FARP1: variants seen among roughly 807,000 people sequenced by gnomAD.
The protein encoded by FARP1 is FERM, ARHGEF and pleckstrin domain-containing protein 1.
Under a neutral mutation model 128.8 loss-of-function variants are expected in FARP1, and 52 were observed. The ratio of observed to expected loss-of-function variants is 0.40; its 90% CI spans 0.32 to 0.51. FARP1 has a LOEUF of 0.51. Among genes scored for constraint, FARP1 ranks in the 20% least tolerant of loss-of-function variants. FARP1 has a pLI of 0.45. For missense variants in FARP1, 1,333 were observed against 1,367.9 expected, an observed-to-expected ratio of 0.97 and a Z score of 0.40; for synonymous variants, 580 against 551.8, an observed-to-expected ratio of 1.05 and a Z score of -0.72.
intron 17 of FARP1, among the ~76,000 whole-genome samples, chr13:98,429,293 C>T (rs546889047): frequency 2.4e-4 from 37 of 152,124 alleles, no homozygotes; most frequent in Non-Finnish European, 4.3e-4. Context: ...TCTCTGGGTG[C>T]GAGAGTGTGC....
intron 2 of FARP1, among the ~76,000 whole-genome samples, chr13:98,215,844 G>A (rs1020829120): frequency 1.3e-5 from 2 of 150,914 alleles, no homozygotes; most frequent in African/African-American, 4.9e-5. Context: ...AGGCTGAAGT[G>A]CAGTGGTGCG....
rs757138817 is a variant in FARP1, at chr13:98,385,713, C to T, written c.658C>T (p.Arg220Cys). Residue 220 changes from arginine to cysteine, a missense_variant, in exon 8 of 27, where the codon CGT (arginine) becomes TGT (cysteine). This residue lies in a region of FARP1 where 324 missense variants were observed against 398.1 expected (regional missense o/e 0.81). Transcript: ENST00000319562. ...AGATTTCCAGCTCCTAGAGATTGCC[C>T]GTCGGCTAGAGATGTATGGAATCCG... is the stretch of plus-strand genomic sequence containing the variant. Reference protein sequence around the residue: ...ESDFQLLEIARRLEMYGIRLH... With the variant: ...ESDFQLLEIACRLEMYGIRLH... 50 of 1,614,058 alleles carry T rather than the reference C, an allele frequency of 3.1e-5. No individual in the cohort carries two copies. Among genetic ancestry groups the T allele is most frequent in the South Asian group, 2.9e-4 (26 of 91,086 alleles).
Position 98,193,432 on chromosome 13 carries a change from C to T in FARP1, c.-23-19788C>T, listed in dbSNP as rs150633665. Among the ~76,000 whole-genome samples the T allele has an allele frequency of 9.2e-5, 14 of 152,232 alleles. 1 individual carries two copies. Among genetic ancestry groups the T allele is most frequent in the African/African-American group, 3.1e-4 (13 of 41,558 alleles). Reference sequence around the variant, plus strand: ...TTATTTAGAGCAACCTGTCAGAGTGCGTGGGATCGTAGTCTACGAAGTGAT... The same window carrying T: ...TTATTTAGAGCAACCTGTCAGAGTGTGTGGGATCGTAGTCTACGAAGTGAT... On this transcript the variant is annotated intron_variant, in intron 1 of 26. Coordinates refer to ENST00000319562, the MANE Select transcript of FARP1 (RefSeq NM_005766.4).
intron 16 of FARP1, among the ~76,000 whole-genome samples, chr13:98,419,742 T>C (rs1303270118): frequency 6.6e-6 from 1 of 152,154 alleles, no homozygotes; most frequent in Non-Finnish European, 1.5e-5. Flanking sequence ...AAGTGAAGAC[T>C]AAGAGGCTTC....
At chr13:98,338,106 T>C (rs1887817568) in intron 2 of FARP1, among the ~76,000 whole-genome samples, 1 of 152,210 alleles carries the variant, frequency 6.6e-6, no homozygotes, top group Admixed American at 6.5e-5. Context: ...TTTTCTCCCG[T>C]CTGCATTTTT....
rs950572596 is a variant in FARP1, at chr13:98,454,876, T to C, written c.*6559T>C. On this transcript the variant is annotated 3_prime_UTR_variant, in exon 27 of 27. Coordinates refer to ENST00000319562, the MANE Select transcript of FARP1 (RefSeq NM_005766.4). ...GAGGACAGAGGAGGAAAGAGGGCAC[T>C]CCTCATCACAGACAAAGGAAAGAGA... 2.0e-5 allele frequency: 3 copies of C among 152,232 alleles called. No homozygotes were observed. The highest frequency in any genetic ancestry group is 7.2e-5 in the African/African-American group (3 of 41,418). The allele number at this position is 152,232 out of a possible 1,614,324, so 9.4% of individuals were successfully genotyped here.
At chr13:98,157,214 C>T (rs1261884601) in intron 1 of FARP1, among the ~76,000 whole-genome samples, 1 of 152,174 alleles carries the variant, frequency 6.6e-6, no homozygotes, top group Non-Finnish European at 1.5e-5. Flanking sequence ...TGTGTGAGAT[C>T]ATGTTACTGT....
rs759621971 is a variant in FARP1 at position 98,176,536 on chromosome 13, C to T, written c.-24+33044C>T. Reference sequence around the variant, plus strand: ...GTTTTCGTCCTCGCAGATACAGTAGCGACCCTCTTCAAGCTCCCGTTCAAT... The same window carrying T: ...GTTTTCGTCCTCGCAGATACAGTAGTGACCCTCTTCAAGCTCCCGTTCAAT... On this transcript the variant is annotated intron_variant, in intron 1 of 26. Coordinates refer to ENST00000319562, the MANE Select transcript of FARP1 (RefSeq NM_005766.4). This position sits in a 1 kb window ranked among gnomAD's most constrained non-coding sequence, Gnocchi z 6.2. 2.5e-6 allele frequency: 4 copies of T among 1,614,180 alleles called. No individual in the cohort carries two copies. The highest frequency in any genetic ancestry group is 3.3e-5 in the Admixed American group (2 of 60,028).
At chr13:98,388,880 C>T (rs1487893857) in intron 9 of FARP1, among the ~76,000 whole-genome samples, 1 of 152,196 alleles carries the variant, frequency 6.6e-6, no homozygotes. Flanking sequence ...TGCTGGAGGC[C>T]CTGAGCCCCC....
intron 2 of FARP1, among the ~76,000 whole-genome samples, chr13:98,228,728 T>C (rs1465336104): frequency 1.3e-5 from 2 of 152,220 alleles, no homozygotes; most frequent in Non-Finnish European, 2.9e-5. Flanking sequence ...ATTGATCCAC[T>C]TACGGGATCT....
chr13:98,277,759 T>C (rs965670510), intron 2 of FARP1, among the ~76,000 whole-genome samples: 4 of 152,206 alleles, frequency 2.6e-5, no homozygotes, highest in Non-Finnish European at 4.4e-5. Context: ...TTCAGTTCAT[T>C]GAGAGCACTG....
At chr13:98,277,107 A>AAAACACACACACACACACAC (rs1566824104) in intron 2 of FARP1, among the ~76,000 whole-genome samples, 1 of 15,256 alleles carries the variant, frequency 6.6e-5, no homozygotes, top group Non-Finnish European at 1.4e-4. Context: ...GCTCTAGAAA[A>AAAACACACACACACACACAC]ATACACACAC....
At position 98,304,219 on chromosome 13, in the gene FARP1, C is replaced by CA. The variant is rs569917479; in HGVS notation, c.172-39542dup. On this transcript the variant is annotated intron_variant, in intron 2 of 26. Coordinates refer to ENST00000319562, the MANE Select transcript of FARP1 (RefSeq NM_005766.4). ...AGGGTCTGCTGCTCTGCCAGACCTGCATATGGAAGCCAGTGAAATTACTGG... is the reference window on the plus strand; with the variant it reads ...AGGGTCTGCTGCTCTGCCAGACCTGCAATATGGAAGCCAGTGAAATTACTGG... Among the ~76,000 whole-genome samples, 25 of 152,108 alleles carry CA rather than the reference C, an allele frequency of 1.6e-4. No individual in the cohort carries two copies. The Middle Eastern group carries it at 0.01, about 62-fold the overall frequency.
chr13:98,261,876 C>G (rs1401692063), intron 2 of FARP1, among the ~76,000 whole-genome samples: 1 of 152,128 alleles, frequency 6.6e-6, no homozygotes, highest in Admixed American at 6.5e-5. Flanking sequence ...TCCCATGACC[C>G]AGACACCTCT....
intron 1 of FARP1, among the ~76,000 whole-genome samples, chr13:98,190,974 T>C (rs1021966648): frequency 4.1e-4 from 62 of 152,312 alleles, no homozygotes; most frequent in African/African-American, 1.5e-3. Context: ...ATATGGACAC[T>C]GCATCTTATC....
At chr13:98,195,407 C>G (rs1268724508) in intron 1 of FARP1, among the ~76,000 whole-genome samples, 2 of 152,160 alleles carry the variant, frequency 1.3e-5, no homozygotes, top group African/African-American at 4.8e-5. Context: ...TTGGTTTTTG[C>G]CCACTAGTGT....
chr13:98,410,212 C>G (rs2140115856), intron 14 of FARP1, among the ~76,000 whole-genome samples: 2 of 152,344 alleles, frequency 1.3e-5, no homozygotes, highest in Middle Eastern at 6.8e-3. Flanking sequence ...GGCCGGCCTC[C>G]TCCACGGTGG....
chr13:98,385,928 G>A (rs1890077442), intron 8 of FARP1, 114 bp downstream of exon 8: 15 of 1,159,300 alleles, frequency 1.3e-5, no homozygotes, highest in Middle Eastern at 2.9e-4. Context: ...ATTTTTCGGC[G>A]AACAAAGAAA....
At chr13:98,186,799 C>T (rs1878905192) in intron 1 of FARP1, among the ~76,000 whole-genome samples, 2 of 151,532 alleles carry the variant, frequency 1.3e-5, no homozygotes, top group Non-Finnish European at 2.9e-5. Flanking sequence ...CAAGAGTAGC[C>T]TGGCCAACGT....
Sources: gnomAD v4.1 joint callset for allele counts (sites outside exome capture counted in the v4.1 genomes callset) on GRCh38, gnomAD v4.1.1 for gene constraint, gnomAD v4.1.1 regional missense constraint, Gnocchi (gnomAD v3.1) non-coding constraint, MANE v1.5 for transcripts, NCBI Gene and HGNC (gene_info 2026-07-23, HGNC 2026-07-21) for gene names.